Variants in PAFAH2 observed in about 807,000 individuals in gnomAD.
The protein encoded by PAFAH2 is platelet-activating factor acetylhydrolase 2, cytoplasmic.
PAFAH2 carries 42 observed loss-of-function variants against 49.0 expected under a neutral mutation model. That is an observed-to-expected ratio of 0.86 (90% confidence interval 0.67 to 1.11). The LOEUF is 1.11. Among genes scored for constraint, PAFAH2 ranks in the 50% least tolerant of loss-of-function variants. The pLI is 0.00. For synonymous variants in PAFAH2, 184 were observed against 181.3 expected (o/e 1.01, Z -0.12); for missense variants, 503 against 501.8 (o/e 1.00, Z -0.02).
rs1452278724 is a variant in PAFAH2, at chr1:25,992,880, T to C, written c.-47-2017A>G. ...CGCGTATGGCATTAGGTTGGTCCAA[T>C]AGGCGTAAAACCCGGGACTTTGGTA... On this transcript the variant is annotated intron_variant, in intron 1 of 10. Transcript: ENST00000374282. Among the ~76,000 whole-genome samples the C allele has an allele frequency of 3.9e-5, 6 of 152,302 alleles. No homozygotes were observed. In the South Asian group the frequency reaches 8.3e-4, roughly 21 times the overall value.
At chr1:25,993,806 T>G (rs2049904971) in intron 1 of PAFAH2, among the ~76,000 whole-genome samples, 1 of 151,946 alleles carries the variant, frequency 6.6e-6, no homozygotes, top group South Asian at 2.1e-4. Context: ...CACATGACAA[T>G]GAAGCAGCTG....
chr1:25,977,542 C>A (rs954505867), intron 7 of PAFAH2, among the ~76,000 whole-genome samples: 1 of 150,974 alleles, frequency 6.6e-6, no homozygotes, highest in Admixed American at 6.6e-5. Flanking sequence ...ATGGTCCCAG[C>A]TACTCAGGAG....
chr1:25,973,337 C>T (rs551696658), intron 9 of PAFAH2, among the ~76,000 whole-genome samples: 1 of 152,200 alleles, frequency 6.6e-6, no homozygotes, highest in South Asian at 2.1e-4. Context: ...ACTGAATTTA[C>T]TAGTCAATTC....
At chr1:25,992,100 G>A (rs747513636) in intron 1 of PAFAH2, among the ~76,000 whole-genome samples, 13 of 100,498 alleles carry the variant, frequency 1.3e-4, no homozygotes, top group Admixed American at 2.4e-4. Context: ...TCTTAAAACC[G>A]TTTGATTTTT....
intron 7 of PAFAH2, among the ~76,000 whole-genome samples, chr1:25,977,167 C>T (rs1455225723): frequency 1.3e-5 from 2 of 150,862 alleles, no homozygotes; most frequent in Admixed American, 1.3e-4. Context: ...GGACTACAGG[C>T]GCCCGCTACC....
intron 7 of PAFAH2, among the ~76,000 whole-genome samples, chr1:25,977,458 C>G (rs2049612253): frequency 1.3e-5 from 2 of 151,208 alleles, no homozygotes; most frequent in South Asian, 2.1e-4. Flanking sequence ...TGAGACCAGC[C>G]AGGGCTCAAA....
intron 10 of PAFAH2, among the ~76,000 whole-genome samples, chr1:25,963,970 C>T (rs547899344): frequency 1.8e-4 from 28 of 152,160 alleles, no homozygotes; most frequent in African/African-American, 6.5e-4. Context: ...CTGGCGCGTT[C>T]GAGGCTCATG....
chr1:25,970,635 G>A (rs1300743048), intron 10 of PAFAH2, among the ~76,000 whole-genome samples: 1 of 152,146 alleles, frequency 6.6e-6, no homozygotes, highest in Non-Finnish European at 1.5e-5. Flanking sequence ...GCCCAGGCTG[G>A]AGTGCAATGG....
chr1:25,984,845 CTT>C (rs34522205), intron 4 of PAFAH2, among the ~76,000 whole-genome samples: 1,190 of 104,252 alleles, frequency 0.011, 9 homozygotes, highest in African/African-American at 0.041. Flanking sequence ...AGAGAGATTT[CTT>C]TTTTTTTTTT....
intron 10 of PAFAH2, among the ~76,000 whole-genome samples, chr1:25,971,289 C>T (rs147619965): frequency 8.5e-5 from 13 of 152,172 alleles, no homozygotes; most frequent in South Asian, 2.1e-4. Context: ...CTAGCTGGGA[C>T]GGGGCTACAG....
Position 25,990,758 on chromosome 1 carries a change from C to T in PAFAH2, c.59G>A (p.Cys20Tyr). ...ATTCTGACCCTCCATCACATCCCCA[C>T]AGCCTACGAGGTGGGGTCCTGTGAC... ...PPVTGPHLVGCGDVMEGQNLQ... is the reference protein window; with the variant it reads ...PPVTGPHLVGYGDVMEGQNLQ... The change falls in exon 2 of 11, where the codon TGT becomes TAT. Residue 20 changes from cysteine to tyrosine, a missense_variant. Coordinates refer to ENST00000374282, the MANE Select transcript of PAFAH2 (RefSeq NM_000437.4). The T allele has an allele frequency of 6.2e-7, 1 of 1,614,046 alleles. No individual in the cohort carries two copies. The highest frequency in any genetic ancestry group is 1.7e-5 in the Admixed American group (1 of 60,000).
At chr1:25,989,342 A>C in intron 3 of PAFAH2, 106 bp downstream of exon 3, 1 of 1,079,854 alleles carries the variant, frequency 9.3e-7, no homozygotes, top group Non-Finnish European at 1.3e-6. Context: ...TGCCCCTTAC[A>C]AAAGCCTGGA....
Position 25,983,944 on chromosome 1 carries a change from A to ACCC in PAFAH2, c.552+1_552+2insGGG. The ACCC allele has an allele frequency of 6.2e-7, 1 of 1,614,134 alleles. No individual in the cohort carries two copies. Among genetic ancestry groups the ACCC allele is most frequent in the Non-Finnish European group, 8.5e-7 (1 of 1,180,016 alleles). On this transcript the variant is annotated splice_donor_variant, in intron 6 of 10. Transcript: ENST00000374282. LOFTEE classifies it high-confidence loss of function. Reference sequence around the variant, plus strand: ...CTCCCTCCCCAACTGGCACAAACTTACCTGGGGATTCCGAACATGAAATTC... The same window carrying ACCC: ...CTCCCTCCCCAACTGGCACAAACTTACCCCCTGGGGATTCCGAACATGAAATTC...
chr1:25,962,062 T>TG lies in PAFAH2; in HGVS notation c.1105dup (p.Gln369ProfsTer7). The stretch of plus-strand genomic sequence containing the variant: ...AATGCCTTCAATAAGGTTGTTCCAT[T>TG]GATTATAGTCTTCTTTCAGGTCTGA... On this transcript the variant is annotated frameshift_variant, in exon 11 of 11. Transcript: ENST00000374282. LOFTEE classifies it high-confidence loss of function. The TG allele has an allele frequency of 6.2e-7, 1 of 1,613,654 alleles. No individual in the cohort carries two copies. Among genetic ancestry groups the TG allele is most frequent in the Non-Finnish European group, 8.5e-7 (1 of 1,179,796 alleles).
At position 25,990,849 on chromosome 1, in the gene PAFAH2, A is replaced by C. The variant is rs2049862070; in HGVS notation, c.-33T>G. The C allele has an allele frequency of 6.3e-7, 1 of 1,577,520 alleles. No individual in the cohort carries two copies. The highest frequency in any genetic ancestry group is 8.7e-7 in the Non-Finnish European group (1 of 1,147,096). ...CCGGGTGAATCAAATGACTTGCCGGAGCTGAACTTGCTGGCTGGATGGGGG... is the reference window on the plus strand; with the variant it reads ...CCGGGTGAATCAAATGACTTGCCGGCGCTGAACTTGCTGGCTGGATGGGGG... On this transcript the variant is annotated 5_prime_UTR_variant, in exon 2 of 11. Transcript: ENST00000374282.
intron 1 of PAFAH2, among the ~76,000 whole-genome samples, chr1:25,993,999 G>A (rs910861700): frequency 2.3e-4 from 35 of 152,242 alleles, no homozygotes; most frequent in African/African-American, 8.4e-4. Context: ...AAGGTGAGAA[G>A]AGAAAGTTGT....
chr1:25,962,218 G>C (rs1261518206), intron 10 of PAFAH2, 135 bp from the exon 11 acceptor site: 12 of 633,808 alleles, frequency 1.9e-5, no homozygotes, highest in Admixed American at 2.9e-5. Context: ...TGGTGGGGTT[G>C]TGTGGTGGTG....
Position 25,974,583 on chromosome 1 carries a change from G to C in PAFAH2, c.826C>G (p.Pro276Ala), listed in dbSNP as rs1301878317. 6.2e-7 allele frequency: 1 copy of C among 1,614,112 alleles called. No individual in the cohort carries two copies. The highest frequency in any genetic ancestry group is 1.3e-5 in the African/African-American group (1 of 75,026). Residue 276 changes from proline to alanine, a missense_variant, in exon 9 of 11, where the codon CCT becomes GCT. Transcript: ENST00000374282. ...TTCTCAGTATTGATAAAGAACACAGGTCCTCGGGCCTTGGGGTAAAAGTCA... is the reference window on the plus strand; with the variant it reads ...TTCTCAGTATTGATAAAGAACACAGCTCCTCGGGCCTTGGGGTAAAAGTCA... ...ERDFYPKARGPVFFINTEKFQ... is the reference protein window; with the variant it reads ...ERDFYPKARGAVFFINTEKFQ...
chr1:25,989,697 A>C, intron 2 of PAFAH2, 96 bp from the exon 3 acceptor site: 5 of 1,015,980 alleles, frequency 4.9e-6, no homozygotes, highest in Non-Finnish European at 6.6e-6. Flanking sequence ...CCAGCAAAAC[A>C]GGGCACCAAA....
Sources: allele counts gnomAD v4.1 joint callset (sites outside exome capture counted in the v4.1 genomes callset), GRCh38; gene constraint gnomAD v4.1.1; transcripts MANE v1.5; gene names NCBI Gene and HGNC (gene_info 2026-07-23, HGNC 2026-07-21).